Variants in COL25A1 observed in about 807,000 individuals in gnomAD.
COL25A1 encodes collagen alpha-1(XXV) chain.
A neutral mutation model predicts 128.4 loss-of-function variants in COL25A1; 103 were observed. The observed-to-expected ratio is 0.80, with a 90% CI of 0.68 to 0.94. The LOEUF (loss-of-function observed/expected upper bound fraction) is 0.94. Ranked by LOEUF, COL25A1 falls within the 40% of genes least tolerant of loss-of-function variation. COL25A1 has a pLI of 0.00. For missense variants in COL25A1, 745 were observed against 840.0 expected, an observed-to-expected ratio of 0.89 and a Z score of 1.40; for synonymous variants, 279 against 277.2, an observed-to-expected ratio of 1.01 and a Z score of -0.06.
At chr4:109,241,626 CAA>C (rs34490958) in intron 3 of COL25A1, among the ~76,000 whole-genome samples, 7 of 133,962 alleles carry the variant, frequency 5.2e-5, no homozygotes, top group Non-Finnish European at 5.0e-5. Context: ...TCTGTCTAGC[CAA>C]AAAAAAAAAA....
intron 3 of COL25A1, among the ~76,000 whole-genome samples, chr4:109,213,767 A>G (rs754098410): frequency 6.6e-6 from 1 of 152,206 alleles, no homozygotes; most frequent in Non-Finnish European, 1.5e-5. Context: ...TTATTATACA[A>G]TGCAATGTCC....
At chr4:109,118,993 A>C (rs1279524209) in intron 3 of COL25A1, among the ~76,000 whole-genome samples, 1 of 152,058 alleles carries the variant, frequency 6.6e-6, no homozygotes, top group Non-Finnish European at 1.5e-5. Context: ...ACAAACTTAA[A>C]AGAATAGAAA....
At chr4:108,848,875 G>T in intron 26 of COL25A1, 72 bp from the exon 27 acceptor site, 1 of 1,184,744 alleles carries the variant, frequency 8.4e-7, no homozygotes, top group Non-Finnish European at 1.2e-6. Context: ...AAAAAACGAT[G>T]CTAGTTTGTT....
chr4:109,172,701 T>C (rs980099481), intron 3 of COL25A1, among the ~76,000 whole-genome samples: 3 of 152,256 alleles, frequency 2.0e-5, no homozygotes, highest in African/African-American at 7.2e-5. Context: ...GTTTCTGTAA[T>C]GCAATTCAGT....
At chr4:109,169,040 T>C (rs1213515719) in intron 3 of COL25A1, among the ~76,000 whole-genome samples, 1 of 152,156 alleles carries the variant, frequency 6.6e-6, no homozygotes, top group Non-Finnish European at 1.5e-5. Context: ...TCCTCTTGTC[T>C]AAAAGCTTCC....
chr4:109,180,338 T>C (rs1774509212), intron 3 of COL25A1, among the ~76,000 whole-genome samples: 1 of 152,204 alleles, frequency 6.6e-6, no homozygotes, highest in African/African-American at 2.4e-5. Flanking sequence ...TTCAGGTTTT[T>C]ATTTCTCTAT....
chr4:109,011,318 G>C (rs750299638), intron 5 of COL25A1, among the ~76,000 whole-genome samples: 36 of 152,196 alleles, frequency 2.4e-4, no homozygotes, highest in Non-Finnish European at 3.4e-4. Flanking sequence ...CCCAGGAACT[G>C]TCTCTCTTAG....
intron 19 of COL25A1, among the ~76,000 whole-genome samples, chr4:108,882,337 A>C (rs913826017): frequency 1.4e-4 from 21 of 150,092 alleles, no homozygotes; most frequent in Non-Finnish European, 2.8e-4. Flanking sequence ...AAAGTGCTTC[A>C]AGTTCAGGAG....
intron 5 of COL25A1, among the ~76,000 whole-genome samples, chr4:109,021,086 TA>T (rs1262341988): frequency 6.6e-6 from 1 of 152,228 alleles, no homozygotes; most frequent in African/African-American, 2.4e-5. Context: ...GTCACATAGG[TA>T]AACAACCAAT....
chr4:108,914,843 A>T lies in COL25A1; in HGVS notation c.780+3329T>A, dbSNP rs138750704. Among the ~76,000 whole-genome samples, 336 of 152,108 alleles carry T rather than the reference A, an allele frequency of 2.2e-3. 2 individuals are homozygous for T. The highest frequency in any genetic ancestry group is 7.8e-3 in the African/African-American group (322 of 41,516). On this transcript the variant is annotated intron_variant, in intron 13 of 37. Transcript: ENST00000399132. ...CTGCTGAAATTCTTAAGGCATGAGA[A>T]TACTACTAGAGACACTTGACAGCAT...
At chr4:109,148,772 G>A (rs899039440) in intron 3 of COL25A1, among the ~76,000 whole-genome samples, 5 of 151,988 alleles carry the variant, frequency 3.3e-5, no homozygotes, top group African/African-American at 7.3e-5. Context: ...TTTAACCTCC[G>A]GCCAGTTTCC....
Position 109,277,573 on chromosome 4 carries a change from C to T in COL25A1, c.367+23010G>A, listed in dbSNP as rs1190836941. Among the ~76,000 whole-genome samples the T allele has an allele frequency of 3.9e-5, 6 of 152,274 alleles. 1 individual carries two copies. In the East Asian group the frequency reaches 1.2e-3, roughly 29 times the overall value. ...TATGAAAATATCAGAACAACGTCCCCAGACAACCTGTATTTTCATACACTT... is the reference window on the plus strand; with the variant it reads ...TATGAAAATATCAGAACAACGTCCCTAGACAACCTGTATTTTCATACACTT... On this transcript the variant is annotated intron_variant, in intron 3 of 37. Transcript: ENST00000399132.
At chr4:108,924,392 A>G (rs536409433) in intron 11 of COL25A1, among the ~76,000 whole-genome samples, 77 of 152,298 alleles carry the variant, frequency 5.1e-4, no homozygotes, top group African/African-American at 1.8e-3. Context: ...GCTAGATTCC[A>G]TATGTAAAGA....
chr4:109,249,519 CAAT>C (rs745435477), intron 3 of COL25A1, among the ~76,000 whole-genome samples: 27 of 152,006 alleles, frequency 1.8e-4, no homozygotes, highest in South Asian at 4.1e-4. Context: ...TAAACAACAA[CAAT>C]GTTTTTATGT....
At chr4:109,201,226 T>C in intron 3 of COL25A1, among the ~76,000 whole-genome samples, 1 of 152,164 alleles carries the variant, frequency 6.6e-6, no homozygotes, top group East Asian at 1.9e-4. Context: ...GGTCCAGTAA[T>C]TTATGATAAA....
At chr4:108,898,709 A>G (rs1314289928) in intron 15 of COL25A1, among the ~76,000 whole-genome samples, 1 of 152,142 alleles carries the variant, frequency 6.6e-6, no homozygotes, top group Non-Finnish European at 1.5e-5. Context: ...TGCTTGGAGA[A>G]GCATTAGAAT....
At chr4:108,865,599 A>G (rs1030395976) in intron 20 of COL25A1, among the ~76,000 whole-genome samples, 8 of 152,198 alleles carry the variant, frequency 5.3e-5, no homozygotes, top group African/African-American at 1.9e-4. Flanking sequence ...TTGGTATATA[A>G]AAATTATTAA....
intron 11 of COL25A1, among the ~76,000 whole-genome samples, chr4:108,927,123 G>A (rs1386072409): frequency 6.6e-6 from 1 of 151,982 alleles, no homozygotes; most frequent in Middle Eastern, 3.2e-3. Flanking sequence ...ATCCTTCTCC[G>A]ATCAGTCTTC....
At chr4:109,057,957 T>C (rs1465652191) in intron 3 of COL25A1, among the ~76,000 whole-genome samples, 2 of 152,160 alleles carry the variant, frequency 1.3e-5, no homozygotes, top group Non-Finnish European at 2.9e-5. Context: ...ACTTGAACAA[T>C]AAAAGAAATG....
Sources: gnomAD v4.1 joint callset for allele counts (sites outside exome capture counted in the v4.1 genomes callset) on GRCh38, gnomAD v4.1.1 for gene constraint, MANE v1.5 for transcripts, NCBI Gene and HGNC (gene_info 2026-07-23, HGNC 2026-07-21) for gene names.